The following MARCHF3 variants were observed in gnomAD, a reference collection of about 807,000 sequenced individuals.
MARCHF3 encodes membrane associated ring-CH-type finger 3, also known as E3 ubiquitin-protein ligase MARCHF3.
A neutral mutation model predicts 24.2 loss-of-function variants in MARCHF3; 13 were observed. The ratio of observed to expected loss-of-function variants is 0.54; its 90% CI spans 0.35 to 0.85. The LOEUF is 0.85. Among genes scored for constraint, MARCHF3 ranks in the 40% least tolerant of loss-of-function variants. The pLI is 0.01. For synonymous variants in MARCHF3, 144 were observed against 137.3 expected, an observed-to-expected ratio of 1.05 and a Z score of -0.34; for missense variants, 276 against 325.0, an observed-to-expected ratio of 0.85 and a Z score of 1.16.
chr5:127,021,609 T>A (rs1580498802), intron 1 of MARCHF3, among the ~76,000 whole-genome samples: 1 of 152,344 alleles, frequency 6.6e-6, no homozygotes, highest in East Asian at 1.9e-4. Flanking sequence ...ATGTCTTCAT[T>A]GCTAATTTGC....
At chr5:126,989,337 CTAA>C (rs969962430) in intron 1 of MARCHF3, among the ~76,000 whole-genome samples, 69 of 141,406 alleles carry the variant, frequency 4.9e-4, no homozygotes, top group Admixed American at 2.5e-3. Context: ...ACTACTACTA[CTAA>C]TAATAATAAT....
At chr5:127,006,459 A>AT (rs1752316733) in intron 1 of MARCHF3, among the ~76,000 whole-genome samples, 1 of 152,082 alleles carries the variant, frequency 6.6e-6, no homozygotes, top group South Asian at 2.1e-4. Context: ...ATTTACAAAC[A>AT]TTTTTTCACA....
chr5:127,012,507 T>C (rs1420607226), intron 1 of MARCHF3, among the ~76,000 whole-genome samples: 1 of 152,140 alleles, frequency 6.6e-6, no homozygotes, highest in Admixed American at 6.6e-5. Context: ...CTAGTATCAT[T>C]GAGGTTTGAA....
intron 3 of MARCHF3, among the ~76,000 whole-genome samples, chr5:126,906,139 A>G (rs1235078785): frequency 6.7e-6 from 1 of 148,702 alleles, no homozygotes; most frequent in East Asian, 2.0e-4. Flanking sequence ...CATATATTGA[A>G]CCAGCCTTGC....
chr5:126,873,409 GAAA>G (rs77244995), intron 4 of MARCHF3, among the ~76,000 whole-genome samples: 2 of 104,338 alleles, frequency 1.9e-5, no homozygotes, highest in African/African-American at 3.5e-5. Flanking sequence ...AACAGAAAAA[GAAA>G]AAAAAAAAAA....
intron 1 of MARCHF3, among the ~76,000 whole-genome samples, chr5:126,948,602 G>A (rs916685921): frequency 6.6e-5 from 10 of 152,166 alleles, no homozygotes; most frequent in African/African-American, 2.2e-4. Flanking sequence ...CTGTGACATG[G>A]AGTTCTGTAT....
intron 1 of MARCHF3, among the ~76,000 whole-genome samples, chr5:126,924,730 A>G (rs538330956): frequency 9.8e-5 from 15 of 152,400 alleles, no homozygotes; most frequent in African/African-American, 3.1e-4. Flanking sequence ...AACAGGACAC[A>G]AAGGCTCTCC....
intron 3 of MARCHF3, among the ~76,000 whole-genome samples, chr5:126,882,039 C>T (rs1753359141): frequency 6.6e-6 from 1 of 152,112 alleles, no homozygotes; most frequent in South Asian, 2.1e-4. Context: ...TCACAACAGT[C>T]CTATGTAGTA....
At chr5:127,016,529 T>C (rs191292586) in intron 1 of MARCHF3, among the ~76,000 whole-genome samples, 2 of 152,324 alleles carry the variant, frequency 1.3e-5, no homozygotes, top group Non-Finnish European at 2.9e-5. Flanking sequence ...TCACTGGTCA[T>C]CAGAGAAATG....
chr5:126,922,443 T>G (rs1749138464), intron 1 of MARCHF3, among the ~76,000 whole-genome samples: 1 of 152,236 alleles, frequency 6.6e-6, no homozygotes, highest in Non-Finnish European at 1.5e-5. Context: ...CAGAGAAGTT[T>G]GAACTTTATT....
intron 1 of MARCHF3, among the ~76,000 whole-genome samples, chr5:126,958,333 C>T (rs1331433473): frequency 6.6e-6 from 1 of 152,026 alleles, no homozygotes; most frequent in African/African-American, 2.4e-5. Flanking sequence ...CATTAACCGT[C>T]CTCTATATTG....
At chr5:126,872,517 G>C (rs797001209) in intron 4 of MARCHF3, among the ~76,000 whole-genome samples, 4 of 152,324 alleles carry the variant, frequency 2.6e-5, no homozygotes, top group African/African-American at 9.6e-5. Context: ...TGAGCTTGGA[G>C]TGACAAATCA....
intron 2 of MARCHF3, among the ~76,000 whole-genome samples, chr5:126,915,979 G>A (rs899795940): frequency 6.6e-6 from 1 of 152,166 alleles, no homozygotes; most frequent in Admixed American, 6.5e-5. Flanking sequence ...CACAAAAATG[G>A]TGCCTTCTTC....
chr5:126,986,107 A>G (rs1330928384), intron 1 of MARCHF3, among the ~76,000 whole-genome samples: 2 of 152,228 alleles, frequency 1.3e-5, no homozygotes, highest in African/African-American at 4.8e-5. Context: ...AGCATAGTGT[A>G]ACATATGCAA....
chr5:126,931,299 A>G (rs1208708687), intron 1 of MARCHF3, among the ~76,000 whole-genome samples: 1 of 152,198 alleles, frequency 6.6e-6, no homozygotes, highest in East Asian at 1.9e-4. Context: ...CCAATGAACC[A>G]GCAGGAAACA....
intron 3 of MARCHF3, among the ~76,000 whole-genome samples, chr5:126,883,019 AG>A (rs923818543): frequency 6.6e-6 from 1 of 152,184 alleles, no homozygotes; most frequent in African/African-American, 2.4e-5. Flanking sequence ...GCTGGATGGA[AG>A]GGGAGGAAAA....
At chr5:126,992,182 C>G (rs1011729054) in intron 1 of MARCHF3, among the ~76,000 whole-genome samples, 6 of 152,198 alleles carry the variant, frequency 3.9e-5, no homozygotes, top group Admixed American at 6.5e-5. Context: ...TAAAAAGTTA[C>G]CTGCAGACAA....
intron 1 of MARCHF3, among the ~76,000 whole-genome samples, chr5:127,009,817 A>G (rs73339207): frequency 0.016 from 2,386 of 152,308 alleles, 57 homozygotes; most frequent in African/African-American, 0.051. Context: ...AACACAGGTA[A>G]AGGAAACAGC....
chr5:126,948,490 G>C (rs1422167510), intron 1 of MARCHF3, among the ~76,000 whole-genome samples: 1 of 152,174 alleles, frequency 6.6e-6, no homozygotes, highest in African/African-American at 2.4e-5. Flanking sequence ...GAAAACTTTA[G>C]TGCTGATAAC....
Sources: gnomAD v4.1 joint callset for allele counts (sites outside exome capture counted in the v4.1 genomes callset) on GRCh38, gnomAD v4.1.1 for gene constraint, MANE v1.5 for transcripts, NCBI Gene and HGNC (gene_info 2026-07-23, HGNC 2026-07-21) for gene names.